PTPRD: variants seen among roughly 807,000 people sequenced by gnomAD.
The protein encoded by PTPRD is receptor-type tyrosine-protein phosphatase delta.
PTPRD carries 34 observed loss-of-function variants against 214.5 expected under a neutral mutation model. That is an observed-to-expected ratio of 0.16 (90% CI 0.12 to 0.21). The LOEUF is 0.21. PTPRD is among the 10% of genes least tolerant of loss of function. PTPRD has a pLI of 1.00. For synonymous variants in PTPRD, 1,128 were observed against 845.7 expected (o/e 1.33, Z -5.79); for missense variants, 2,545 against 2,398.7 (o/e 1.06, Z -1.27).
At position 10,239,817 on chromosome 9, in the gene PTPRD, C is replaced by T. The variant is rs542478917; in HGVS notation, c.-545+101146G>A. Among the ~76,000 whole-genome samples the T allele has an allele frequency of 3.3e-5, 5 of 152,014 alleles. No individual in the cohort carries two copies. The South Asian group carries it at 6.2e-4, about 19-fold the overall frequency. ...AAGCAGTTTCTCTCTGATCTTCTCC[C>T]GCCCTCCTGCCTCTTGCCCCTCAGT... On this transcript the variant is annotated intron_variant, in intron 3 of 45. Coordinates refer to ENST00000381196, the MANE Select transcript of PTPRD (RefSeq NM_002839.4).
intron 8 of PTPRD, among the ~76,000 whole-genome samples, chr9:9,488,064 C>T (rs1030919612): frequency 1.3e-5 from 2 of 152,016 alleles, no homozygotes; most frequent in East Asian, 3.9e-4. Flanking sequence ...TATGTTGATC[C>T]ACTATTATTG....
rs150466637 is a variant in PTPRD at position 8,557,807 on chromosome 9, CAT to C, written c.353-29030_353-29029del. Among the ~76,000 whole-genome samples, 680 of 133,574 alleles carry C rather than the reference CAT, an allele frequency of 5.1e-3. 6 individuals carry two copies. Among genetic ancestry groups the C allele is most frequent in the African/African-American group, 0.018 (615 of 34,968 alleles). 87.6% of individuals were successfully genotyped at this position (133,574 alleles called of 152,430 possible). On this transcript the variant is annotated intron_variant, in intron 14 of 45. Coordinates refer to ENST00000381196, the MANE Select transcript of PTPRD (RefSeq NM_002839.4). Reference sequence around the variant, plus strand: ...ACACACACACACACACACACACACACATATATACACACACACATATGCATATA... The same window carrying C: ...ACACACACACACACACACACACACACATATACACACACACATATGCATATA...
At chr9:9,102,318 C>T (rs2099792490) in intron 10 of PTPRD, among the ~76,000 whole-genome samples, 1 of 152,116 alleles carries the variant, frequency 6.6e-6, no homozygotes, top group Admixed American at 6.6e-5. Context: ...TTTGAATTTA[C>T]CATTCTATGG....
intron 7 of PTPRD, among the ~76,000 whole-genome samples, chr9:9,612,123 A>C (rs1351179090): frequency 6.6e-6 from 1 of 152,116 alleles, no homozygotes; most frequent in Non-Finnish European, 1.5e-5. Flanking sequence ...AATATAGAAA[A>C]TTGTGTAATA....
chr9:8,535,010 AATC>A (rs2076588982), intron 14 of PTPRD, among the ~76,000 whole-genome samples: 2 of 151,954 alleles, frequency 1.3e-5, no homozygotes, highest in Admixed American at 1.3e-4. Context: ...GGTATGAAGT[AATC>A]TAGATAATCT....
chr9:8,999,943 C>A (rs571473889), intron 11 of PTPRD, among the ~76,000 whole-genome samples: 2 of 152,110 alleles, frequency 1.3e-5, no homozygotes, highest in East Asian at 3.9e-4. Flanking sequence ...GTCAAAGTAT[C>A]TGAGAAGCAG....
intron 3 of PTPRD, among the ~76,000 whole-genome samples, chr9:10,268,620 G>A (rs2094237266): frequency 6.6e-6 from 1 of 151,962 alleles, no homozygotes; most frequent in Admixed American, 6.6e-5. Flanking sequence ...CCAGTTCAGG[G>A]CTTTTGCTGA....
In PTPRD at chr9:8,316,971, A is replaced by C. The variant is rs1363570918; in HGVS notation, c.*903T>G. ...ACATAGACACCCTTATAAAATATGG[A>C]TATATATGTATATATGTTAGCAGCA... On this transcript the variant is annotated 3_prime_UTR_variant, in exon 46 of 46. Transcript: ENST00000381196. 9 of 231,370 alleles carry C rather than the reference A, an allele frequency of 3.9e-5. No individual in the cohort carries two copies. In the Admixed American group the frequency reaches 5.1e-4, roughly 13 times the overall value. The allele number at this position is 231,370 out of a possible 1,614,324, so 14.3% of individuals were successfully genotyped here. A position where few individuals can be genotyped will look rare whatever the true frequency, so the allele number is the denominator to read the frequency against.
At chr9:8,347,889 C>T (rs1365914174) in intron 39 of PTPRD, among the ~76,000 whole-genome samples, 2 of 152,162 alleles carry the variant, frequency 1.3e-5, no homozygotes, top group Non-Finnish European at 2.9e-5. Context: ...CTTGGACTTC[C>T]AGCATCCTGA....
chr9:9,869,682 T>G (rs963493952), intron 5 of PTPRD, among the ~76,000 whole-genome samples: 1 of 151,908 alleles, frequency 6.6e-6, no homozygotes, highest in Non-Finnish European at 1.5e-5. Flanking sequence ...TGAATGAGGA[T>G]GGTTTAAATG....
intron 8 of PTPRD, among the ~76,000 whole-genome samples, chr9:9,426,663 G>A (rs2081057966): frequency 6.6e-6 from 1 of 152,128 alleles, no homozygotes; most frequent in Non-Finnish European, 1.5e-5. Flanking sequence ...TCCCAGTAGG[G>A]GCCGACTGAC....
intron 11 of PTPRD, among the ~76,000 whole-genome samples, chr9:9,007,842 GTTATAC>G (rs1555696662): frequency 3.9e-5 from 4 of 103,310 alleles, no homozygotes; most frequent in Non-Finnish European, 8.3e-5. Context: ...TTATTTGTCT[GTTATAC>G]TTAAAGCTAA....
rs1356366086 is a variant in PTPRD, at chr9:8,435,924, C to T, written c.4086+668G>A. Among the ~76,000 whole-genome samples the T allele has an allele frequency of 3.3e-5, 5 of 152,182 alleles. No homozygotes were observed. In the South Asian group the frequency reaches 6.2e-4, roughly 19 times the overall value. ...AGATTGAAGGATAAGATAATATACA[C>T]ATACTCAATAATTACAGAGTTTTCA... On this transcript the variant is annotated intron_variant, in intron 35 of 45. Coordinates refer to ENST00000381196, the MANE Select transcript of PTPRD (RefSeq NM_002839.4).
At chr9:8,565,660 G>T (rs1293906988) in intron 14 of PTPRD, among the ~76,000 whole-genome samples, 1 of 151,844 alleles carries the variant, frequency 6.6e-6, no homozygotes, top group African/African-American at 2.4e-5. Flanking sequence ...TCAAGAGGAA[G>T]GAAAAAAGAA....
intron 9 of PTPRD, among the ~76,000 whole-genome samples, chr9:9,222,256 C>T (rs2099956585): frequency 6.6e-6 from 1 of 152,018 alleles, no homozygotes; most frequent in African/African-American, 2.4e-5. Flanking sequence ...TAGCAAACAA[C>T]TTCCAGGCCT....
At chr9:9,669,543 TGTGA>T (rs2096786582) in intron 7 of PTPRD, among the ~76,000 whole-genome samples, 1 of 152,172 alleles carries the variant, frequency 6.6e-6, no homozygotes, top group African/African-American at 2.4e-5. Flanking sequence ...ACTTCTTATG[TGTGA>T]GTGTTTGAAG....
intron 2 of PTPRD, among the ~76,000 whole-genome samples, chr9:10,355,541 C>T (rs1052765133): frequency 2.7e-5 from 4 of 150,466 alleles, no homozygotes; most frequent in African/African-American, 9.8e-5. Context: ...TGCAACGGCA[C>T]GATCTCAGCT....
intron 2 of PTPRD, among the ~76,000 whole-genome samples, chr9:10,442,161 T>A (rs1043804279): frequency 2.6e-5 from 4 of 151,724 alleles, no homozygotes; most frequent in African/African-American, 9.7e-5. Flanking sequence ...ATACCTTAAA[T>A]GCAGAATTTG....
chr9:8,963,974 G>C (rs2154322010), intron 11 of PTPRD, among the ~76,000 whole-genome samples: 1 of 152,008 alleles, frequency 6.6e-6, no homozygotes, highest in South Asian at 2.1e-4. Context: ...GAGGATTTTT[G>C]TGTCTATGTT....
Sources: gnomAD v4.1 joint callset for allele counts (sites outside exome capture counted in the v4.1 genomes callset) on GRCh38, gnomAD v4.1.1 for gene constraint, MANE v1.5 for transcripts, NCBI Gene and HGNC (gene_info 2026-07-23, HGNC 2026-07-21) for gene names.